Variants in CDK6 observed in about 807,000 individuals in gnomAD.
CDK6 encodes the protein cyclin dependent kinase 6, also known as cyclin-dependent kinase 6.
In CDK6, 6 loss-of-function variants were observed where a neutral mutation model predicts 37.1. The ratio of observed to expected loss-of-function variants is 0.16; its 90% CI spans 0.09 to 0.32. CDK6 has a LOEUF of 0.32. Ranked by LOEUF, CDK6 falls within the 10% of genes least tolerant of loss-of-function variation. The probability of loss-of-function intolerance (pLI) is 1.00; values close to 1 mark genes in which losing one functional copy is unlikely to be tolerated. For missense variants in CDK6, 224 were observed against 418.9 expected (o/e 0.53, Z 4.06); for synonymous variants, 160 against 161.3 (o/e 0.99, Z 0.06).
At chr7:92,813,224 T>C (rs1800933788) in intron 2 of CDK6, among the ~76,000 whole-genome samples, 1 of 152,188 alleles carries the variant, frequency 6.6e-6, no homozygotes, top group Admixed American at 6.5e-5. Context: ...CCTGCCAGAA[T>C]TCGTTTACTG....
At chr7:92,821,338 A>G (rs770061192) in intron 2 of CDK6, among the ~76,000 whole-genome samples, 79 of 152,086 alleles carry the variant, frequency 5.2e-4, no homozygotes, top group Non-Finnish European at 9.4e-4. Context: ...TTTCCAGCTA[A>G]TGTCCCAGAC....
chr7:92,710,762 C>T (rs1798069854), intron 4 of CDK6: 1 of 985,322 alleles, frequency 1.0e-6, no homozygotes, highest in South Asian at 4.7e-5. Context: ...TGCCATGGAA[C>T]ACCAGATGGA....
intron 7 of CDK6, among the ~76,000 whole-genome samples, chr7:92,617,600 C>T (rs1220951223): frequency 6.6e-6 from 1 of 152,114 alleles, no homozygotes; most frequent in Non-Finnish European, 1.5e-5. Context: ...ATGTCCCTGG[C>T]ACACTAAATA....
intron 3 of CDK6, among the ~76,000 whole-genome samples, chr7:92,763,131 T>C (rs541307835): frequency 1.3e-5 from 2 of 152,142 alleles, no homozygotes; most frequent in Non-Finnish European, 2.9e-5. Context: ...ACACTGGTAA[T>C]ATAAAAATCA....
chr7:92,768,585 T>G (rs1042580991), intron 3 of CDK6, among the ~76,000 whole-genome samples: 5 of 152,224 alleles, frequency 3.3e-5, no homozygotes, highest in African/African-American at 7.2e-5. Context: ...ATTCAATTAG[T>G]GCAGCTATGA....
intron 3 of CDK6, among the ~76,000 whole-genome samples, chr7:92,771,995 C>G (rs1457687248): frequency 6.6e-6 from 1 of 152,104 alleles, no homozygotes; most frequent in Non-Finnish European, 1.5e-5. Flanking sequence ...AAGTCAATCA[C>G]AGAAACAAAA....
chr7:92,811,834 G>A (rs1023958388), intron 2 of CDK6, among the ~76,000 whole-genome samples: 2 of 152,046 alleles, frequency 1.3e-5, no homozygotes, highest in African/African-American at 4.8e-5. Flanking sequence ...AATAAGTAAG[G>A]CAACTAAGTA....
chr7:92,615,173 G>T lies in CDK6; in HGVS notation c.948C>A (p.Pro316=). The T allele has an allele frequency of 6.2e-7, 1 of 1,614,038 alleles. No individual in the cohort carries two copies. Among genetic ancestry groups the T allele is most frequent in the African/African-American group, 1.3e-5 (1 of 75,056 alleles). ...CKENLDSHLP[P]SQNTSELNTA The stretch of plus-strand genomic sequence containing the variant: ...TATTCAGCTCCGAGGTGTTCTGGCT[G>T]GGCGGCAGGTGGGAATCCAGGTTTT... The change falls in exon 8 of 8, where the codon CCC becomes CCA. Residue 316 remains proline (P), a synonymous_variant. Transcript: ENST00000424848.
intron 5 of CDK6, among the ~76,000 whole-genome samples, chr7:92,659,645 A>ACC (rs1796793743): frequency 2.6e-5 from 4 of 151,954 alleles, no homozygotes; most frequent in Admixed American, 2.6e-4. Flanking sequence ...CCACACACAC[A>ACC]CACACTTTTG....
chr7:92,769,347 T>TA (rs1231421680), intron 3 of CDK6, among the ~76,000 whole-genome samples: 2 of 151,988 alleles, frequency 1.3e-5, no homozygotes, highest in Admixed American at 1.3e-4. Context: ...GATACATAAA[T>TA]AAAAAAAATT....
chr7:92,833,898 C>T lies in CDK6; in HGVS notation c.-367-208G>A. 2.5e-6 allele frequency: 1 copy of T among 398,810 alleles called. No homozygotes were observed. Among genetic ancestry groups the T allele is most frequent in the Non-Finnish European group, 4.4e-6 (1 of 226,350 alleles). The allele number at this position is 398,810 out of a possible 1,614,324, so 24.7% of individuals were successfully genotyped here. On this transcript the variant is annotated intron_variant, in intron 1 of 7. Coordinates refer to ENST00000424848, the MANE Select transcript of CDK6 (RefSeq NM_001145306.2). This position sits in a 1 kb window ranked among gnomAD's most constrained non-coding sequence, Gnocchi z 6.1. The stretch of plus-strand genomic sequence containing the variant: ...TTTTCTTTCCCTGCAGGGCTGAAGC[C>T]GTCTTCGCGCGGAGAGGTTGCAGGG...
chr7:92,703,986 C>A (rs1227087202), intron 4 of CDK6, among the ~76,000 whole-genome samples: 3 of 152,190 alleles, frequency 2.0e-5, no homozygotes, highest in Non-Finnish European at 4.4e-5. Flanking sequence ...GACCTTCTTG[C>A]TTTCCTTGGA....
intron 4 of CDK6, among the ~76,000 whole-genome samples, chr7:92,695,508 G>A (rs956255379): frequency 1.3e-5 from 2 of 152,202 alleles, no homozygotes; most frequent in African/African-American, 4.8e-5. Flanking sequence ...ACTTGAGAAA[G>A]TCAGACTAAG....
intron 6 of CDK6, among the ~76,000 whole-genome samples, chr7:92,621,185 T>G (rs1386529960): frequency 6.6e-6 from 1 of 152,140 alleles, no homozygotes; most frequent in Non-Finnish European, 1.5e-5. Context: ...GACGCTAGGG[T>G]GCAGCATTGT....
intron 3 of CDK6, among the ~76,000 whole-genome samples, chr7:92,760,141 T>A (rs1405377013): frequency 2.0e-5 from 3 of 152,192 alleles, no homozygotes; most frequent in Non-Finnish European, 2.9e-5. Context: ...TACACAGACA[T>A]TAATTTAAAA....
chr7:92,666,984 A>ATG (rs1796971816), intron 5 of CDK6, among the ~76,000 whole-genome samples: 1 of 152,158 alleles, frequency 6.6e-6, no homozygotes, highest in Non-Finnish European at 1.5e-5. Flanking sequence ...AGTTCCATGC[A>ATG]TGTTATTGCC....
intron 2 of CDK6, among the ~76,000 whole-genome samples, chr7:92,806,057 A>T (rs1259109147): frequency 1.3e-5 from 2 of 152,222 alleles, no homozygotes; most frequent in Non-Finnish European, 2.9e-5. Flanking sequence ...ACATTTAAAA[A>T]TGATTAAAAC....
At chr7:92,788,604 A>G (rs1211205496) in intron 2 of CDK6, among the ~76,000 whole-genome samples, 2 of 152,216 alleles carry the variant, frequency 1.3e-5, no homozygotes, top group African/African-American at 4.8e-5. Context: ...CATTATTATG[A>G]TCACTTATTT....
intron 2 of CDK6, among the ~76,000 whole-genome samples, chr7:92,810,767 T>C (rs1302530319): frequency 1.3e-5 from 2 of 152,122 alleles, no homozygotes; most frequent in African/African-American, 2.4e-5. Flanking sequence ...GCTATATAAA[T>C]ATACTTCAAA....
Sources: gnomAD v4.1 joint callset for allele counts (sites outside exome capture counted in the v4.1 genomes callset) on GRCh38, gnomAD v4.1.1 for gene constraint, Gnocchi (gnomAD v3.1) non-coding constraint, MANE v1.5 for transcripts, NCBI Gene and HGNC (gene_info 2026-07-23, HGNC 2026-07-21) for gene names.